The following CCDC158 variants were observed in gnomAD, a reference collection of about 807,000 sequenced individuals.
CCDC158 encodes coiled-coil domain containing 158, also known as coiled-coil domain-containing protein 158.
Under a neutral mutation model 138.6 loss-of-function variants are expected in CCDC158, and 116 were observed. That is an observed-to-expected ratio of 0.84 (90% CI 0.72 to 0.98). The LOEUF (loss-of-function observed/expected upper bound fraction) is 0.98. CCDC158 is among the 50% of genes least tolerant of loss of function. The probability of loss-of-function intolerance (pLI) is 0.00; values close to 1 mark genes in which losing one functional copy is unlikely to be tolerated. For missense variants in CCDC158, 1,265 were observed against 1,306.1 expected (o/e 0.97, Z 0.48); for synonymous variants, 436 against 442.4 (o/e 0.99, Z 0.18).
Position 76,325,743 on chromosome 4 carries a change from T to G in CCDC158, c.3169+114A>C, listed in dbSNP as rs28643457. 7.4e-3 allele frequency: 5,838 copies of G among 793,664 alleles called. 244 individuals carry two copies. The African/African-American group carries it at 0.091, about 12-fold the overall frequency. The allele number at this position is 793,664 out of a possible 1,614,324, so 49.2% of individuals were successfully genotyped here. ...CCTGTTTAAATTACACAGAATCAGT[T>G]AGAGCTTACACATAAGAGCAGCATG... On this transcript the variant is annotated intron_variant, in intron 23 of 24. Transcript: ENST00000682701.
intron 3 of CCDC158, among the ~76,000 whole-genome samples, chr4:76,400,251 G>T (rs1230804504): frequency 2.6e-5 from 4 of 152,076 alleles, no homozygotes; most frequent in African/African-American, 9.7e-5. Flanking sequence ...CATGTCTTTT[G>T]TAGAGACATG....
chr4:76,420,046 T>C (rs185124378), intron 1 of CCDC158, among the ~76,000 whole-genome samples: 2 of 151,406 alleles, frequency 1.3e-5, no homozygotes, highest in Admixed American at 6.6e-5. Flanking sequence ...GGGAGTATAA[T>C]ATTAACTCTA....
At chr4:76,323,744 C>T (rs567217871) in intron 23 of CCDC158, among the ~76,000 whole-genome samples, 7 of 152,258 alleles carry the variant, frequency 4.6e-5, no homozygotes, top group African/African-American at 1.2e-4. Flanking sequence ...GACAGCTTTT[C>T]GTACCAAGCC....
intron 13 of CCDC158, 116 bp downstream of exon 13, chr4:76,362,010 T>C: frequency 1.4e-6 from 1 of 723,304 alleles, no homozygotes. Flanking sequence ...GCAGCATAAC[T>C]ATTCATGTTT....
Position 76,379,332 on chromosome 4 carries a change from T to C in CCDC158, c.987A>G (p.Leu329=). ...TTTTGGCTTCCCTTAATTCAGAACG[T>C]AGCTGAGAAACAGTAGATTCCAGAT... ...LSDLESTVSQ[L]RSELREAKRM... Residue 329 remains leucine (L), a synonymous_variant, in exon 9 of 25, where the codon CTA becomes CTG. Transcript: ENST00000682701. 4 of 1,610,442 alleles carry C rather than the reference T, an allele frequency of 2.5e-6. No individual in the cohort carries two copies. Among genetic ancestry groups the C allele is most frequent in the Non-Finnish European group, 3.4e-6 (4 of 1,178,884 alleles).
chr4:76,321,817 T>A lies in CCDC158; in HGVS notation c.3277+1485A>T, dbSNP rs546969729. On this transcript the variant is annotated intron_variant, in intron 24 of 24. Coordinates refer to ENST00000682701, the MANE Select transcript of CCDC158 (RefSeq NM_001394954.1). ...TATATATATACACACCATGTAATAC[T>A]ACTCAGCCATAAAAAGGAATAAAAT... Among the ~76,000 whole-genome samples, 296 of 148,530 alleles carry A rather than the reference T, an allele frequency of 2.0e-3. 2 individuals are homozygous for A. The highest frequency in any genetic ancestry group is 6.9e-3 in the African/African-American group (283 of 40,726).
Position 76,369,432 on chromosome 4 carries a change from C to T in CCDC158, c.1341G>A (p.Glu447=). 1 of 1,614,054 alleles carries T rather than the reference C, an allele frequency of 6.2e-7. No homozygotes were observed. Among genetic ancestry groups the T allele is most frequent in the South Asian group, 1.1e-5 (1 of 91,068 alleles). ...ALKSECQGQM[E]RQMAAIQGKN... ...AGCCTGTGCAGGCACTGACCTGCCGCTCCATCTGGCCCTGACACTCGCTCT... is the reference window on the plus strand; with the variant it reads ...AGCCTGTGCAGGCACTGACCTGCCGTTCCATCTGGCCCTGACACTCGCTCT... The change falls in exon 11 of 25, where the codon GAG becomes GAA. Residue 447 remains glutamate, a synonymous_variant. Transcript: ENST00000682701.
chr4:76,340,290 C>G (rs1362092795), intron 18 of CCDC158, among the ~76,000 whole-genome samples: 3 of 152,188 alleles, frequency 2.0e-5, no homozygotes, highest in African/African-American at 7.2e-5. Context: ...GCATGATCAC[C>G]TATCTCAGCT....
At position 76,403,270 on chromosome 4, in the gene CCDC158, T is replaced by G. The variant is rs544662122; in HGVS notation, c.-63A>C. 207 of 1,152,680 alleles carry G rather than the reference T, an allele frequency of 1.8e-4. 4 individuals carry two copies. The South Asian group carries it at 2.7e-3, about 15-fold the overall frequency. 71.4% of individuals were successfully genotyped at this position (1,152,680 alleles called of 1,614,324 possible). On this transcript the variant is annotated 5_prime_UTR_variant, in exon 3 of 25. Transcript: ENST00000682701. ...ATGAATGGTTCCCTCTTTGGTTCTTTTGGTTCCTGTCTATGAAAGACAGAG... is the reference window on the plus strand; with the variant it reads ...ATGAATGGTTCCCTCTTTGGTTCTTGTGGTTCCTGTCTATGAAAGACAGAG...
chr4:76,407,231 C>T (rs918402659), intron 2 of CCDC158: 4 of 151,970 alleles, frequency 2.6e-5, no homozygotes, highest in African/African-American at 9.7e-5. Context: ...CATTTTCTTC[C>T]TTTTGATTAC....
chr4:76,379,440 G>A (rs1726022101), intron 8 of CCDC158, 36 bp from the exon 9 acceptor site: 1 of 1,311,186 alleles, frequency 7.6e-7, no homozygotes, highest in Non-Finnish European at 1.1e-6. Context: ...AGTGCAAATA[G>A]CAAACTAAGA....
At chr4:76,369,330 AT>A (rs1725001099) in intron 11 of CCDC158, 95 bp downstream of exon 11, 7 of 1,190,982 alleles carry the variant, frequency 5.9e-6, no homozygotes, top group Non-Finnish European at 8.0e-6. Context: ...TTTTAGGTCC[AT>A]ATATGTTAAA....
At chr4:76,400,189 T>C (rs1224174116) in intron 3 of CCDC158, among the ~76,000 whole-genome samples, 5 of 151,676 alleles carry the variant, frequency 3.3e-5, no homozygotes, top group Non-Finnish European at 7.4e-5. Flanking sequence ...ATTAAGAAAA[T>C]GTGGCACATA....
At chr4:76,348,318 C>G (rs1311811031) in intron 18 of CCDC158, among the ~76,000 whole-genome samples, 4 of 151,114 alleles carry the variant, frequency 2.6e-5, no homozygotes, top group Admixed American at 6.6e-5. Flanking sequence ...ACCTGTAGTC[C>G]CAGCTACTCG....
chr4:76,331,237 G>A (rs943902827), intron 21 of CCDC158, 107 bp downstream of exon 21: 1 of 922,280 alleles, frequency 1.1e-6, no homozygotes, highest in Non-Finnish European at 1.7e-6. Flanking sequence ...TATATTCTAA[G>A]GGTCTACTGC....
intron 15 of CCDC158, among the ~76,000 whole-genome samples, chr4:76,353,577 T>C (rs762496245): frequency 2.6e-5 from 4 of 152,224 alleles, no homozygotes; most frequent in Non-Finnish European, 5.9e-5. Context: ...TTTAGTGAAT[T>C]AGGATCAAAT....
chr4:76,320,197 T>C (rs191920917), intron 24 of CCDC158, among the ~76,000 whole-genome samples: 3 of 152,158 alleles, frequency 2.0e-5, no homozygotes, highest in Admixed American at 2.0e-4. Flanking sequence ...TTATAACAGC[T>C]GCAAGAAAAA....
At chr4:76,357,195 C>G (rs1412463884) in intron 14 of CCDC158, among the ~76,000 whole-genome samples, 179 bp downstream of exon 14, 1 of 152,172 alleles carries the variant, frequency 6.6e-6, no homozygotes, top group Non-Finnish European at 1.5e-5. Context: ...ATGGCAATTT[C>G]CTAAAAACAA....
intron 12 of CCDC158, 147 bp from the exon 13 acceptor site, chr4:76,362,462 T>G: frequency 1.9e-6 from 1 of 530,566 alleles, no homozygotes; most frequent in Non-Finnish European, 3.3e-6. Context: ...ATTCCATCTA[T>G]ATTTATTATC....
Sources: allele counts gnomAD v4.1 joint callset (sites outside exome capture counted in the v4.1 genomes callset), GRCh38; gene constraint gnomAD v4.1.1; transcripts MANE v1.5; gene names NCBI Gene and HGNC (gene_info 2026-07-23, HGNC 2026-07-21).